The following NTM variants were observed in gnomAD, a reference collection of about 807,000 sequenced individuals.
The protein encoded by NTM is IgLON family member 2.
Under a neutral mutation model 42.1 loss-of-function variants are expected in NTM, and 13 were observed. The ratio of observed to expected loss-of-function variants is 0.31; its 90% CI spans 0.20 to 0.49. NTM has a LOEUF of 0.49. Ranked by LOEUF, NTM falls within the 20% of genes least tolerant of loss-of-function variation. The pLI, the probability that NTM is intolerant of heterozygous loss-of-function variation, is 0.99. For synonymous variants in NTM, 187 were observed against 179.2 expected, an observed-to-expected ratio of 1.04 and a Z score of -0.35; for missense variants, 373 against 452.8, an observed-to-expected ratio of 0.82 and a Z score of 1.60.
chr11:132,076,226 A>G (rs757876002), intron 2 of NTM, among the ~76,000 whole-genome samples: 1 of 152,180 alleles, frequency 6.6e-6, no homozygotes, highest in African/African-American at 2.4e-5. Flanking sequence ...TCAAGGGACA[A>G]TTAGTAAATA....
chr11:131,809,533 C>G (rs1468285047), intron 1 of NTM, among the ~76,000 whole-genome samples: 1 of 152,208 alleles, frequency 6.6e-6, no homozygotes, highest in Admixed American at 6.5e-5. Flanking sequence ...GCGGGTTTCA[C>G]AGTTATGCCC....
intron 2 of NTM, among the ~76,000 whole-genome samples, chr11:132,073,227 A>G (rs1347293372): frequency 6.6e-6 from 1 of 152,158 alleles, no homozygotes; most frequent in Non-Finnish European, 1.5e-5. Context: ...TGTGAAGGGG[A>G]TCCAGTGAAA....
At chr11:131,710,119 T>C (rs1465024378) in intron 1 of NTM, among the ~76,000 whole-genome samples, 1 of 152,100 alleles carries the variant, frequency 6.6e-6, no homozygotes, top group Non-Finnish European at 1.5e-5. Context: ...CAGAAAGCCA[T>C]GAGAGACAGA....
At chr11:131,503,816 A>G (rs150813127) in intron 1 of NTM, among the ~76,000 whole-genome samples, 6 of 152,220 alleles carry the variant, frequency 3.9e-5, no homozygotes, top group African/African-American at 1.4e-4. Flanking sequence ...CACTGAGGTT[A>G]TACATTTAAA....
At chr11:131,532,036 A>T (rs550260932) in intron 1 of NTM, among the ~76,000 whole-genome samples, 53 of 152,324 alleles carry the variant, frequency 3.5e-4, no homozygotes, top group African/African-American at 1.0e-3. Flanking sequence ...TTTTTGGAGT[A>T]GTGGTGTTTG....
intron 1 of NTM, among the ~76,000 whole-genome samples, chr11:131,618,760 G>A (rs1163204506): frequency 1.3e-5 from 2 of 152,226 alleles, no homozygotes; most frequent in Admixed American, 6.5e-5. Flanking sequence ...TCTGGAAGCA[G>A]AAGGCTTAGA....
intron 1 of NTM, among the ~76,000 whole-genome samples, chr11:131,850,627 C>G (rs1489304960): frequency 6.6e-6 from 1 of 152,104 alleles, no homozygotes; most frequent in Non-Finnish European, 1.5e-5. Context: ...GCTGAATTTC[C>G]TTTGGGTAGG....
At chr11:132,285,424 C>A (rs551767237) in intron 4 of NTM, among the ~76,000 whole-genome samples, 1 of 152,244 alleles carries the variant, frequency 6.6e-6, no homozygotes, top group South Asian at 2.1e-4. Flanking sequence ...GCTCCCAGCT[C>A]TGACCAACTC....
chr11:131,509,760 TTTC>T (rs2047996560), intron 1 of NTM, among the ~76,000 whole-genome samples: 1 of 152,244 alleles, frequency 6.6e-6, no homozygotes, highest in African/African-American at 2.4e-5. Context: ...ATTCTAATTC[TTTC>T]TTTAGAGATA....
chr11:131,451,227 G>A (rs729830), intron 1 of NTM, among the ~76,000 whole-genome samples: 2,680 of 152,246 alleles, frequency 0.018, 78 homozygotes, highest in African/African-American at 0.06. Context: ...AAGTGGGACC[G>A]TGAGCAGCAT....
At chr11:131,845,570 G>C (rs771035785) in intron 1 of NTM, among the ~76,000 whole-genome samples, 1 of 151,364 alleles carries the variant, frequency 6.6e-6, no homozygotes, top group Admixed American at 6.6e-5. Flanking sequence ...AGTTTGAAAA[G>C]CTGGTTTACA....
At chr11:131,789,937 C>T (rs1201860199) in intron 1 of NTM, among the ~76,000 whole-genome samples, 11 of 108,100 alleles carry the variant, frequency 1.0e-4, no homozygotes, top group Admixed American at 4.5e-4. Context: ...GCCTGGGCGA[C>T]AGAGCGAGAC....
intron 1 of NTM, among the ~76,000 whole-genome samples, chr11:131,635,590 TAA>T (rs1037946526): frequency 3.3e-5 from 5 of 152,174 alleles, no homozygotes; most frequent in Admixed American, 2.0e-4. Flanking sequence ...GCTTGTCAAG[TAA>T]AAAAGTTGTA....
chr11:131,955,225 A>G (rs1430168928), intron 2 of NTM, among the ~76,000 whole-genome samples: 2 of 151,996 alleles, frequency 1.3e-5, no homozygotes, highest in Non-Finnish European at 2.9e-5. Flanking sequence ...AATGCTACCT[A>G]TTATCATTTT....
chr11:131,465,035 G>A (rs150898483), intron 1 of NTM, among the ~76,000 whole-genome samples: 3 of 152,322 alleles, frequency 2.0e-5, no homozygotes, highest in Admixed American at 2.0e-4. Flanking sequence ...ACTGCACTGA[G>A]TTTAGCTGTT....
Position 131,398,524 on chromosome 11 carries a change from A to G in NTM, c.82+27636A>G, listed in dbSNP as rs574349311. ...GAAACAATTTTCCATGTCGTTACAT[A>G]GTATTAGTGAGCATCGTTTTAATTG... On this transcript the variant is annotated intron_variant, in intron 1 of 8. Coordinates refer to ENST00000683400, the MANE Select transcript of NTM (RefSeq NM_001352005.2). Among the ~76,000 whole-genome samples, 3 of 152,316 alleles carry G rather than the reference A, an allele frequency of 2.0e-5. No homozygotes were observed. In the South Asian group the frequency reaches 6.2e-4, roughly 32 times the overall value.
chr11:131,657,270 G>A (rs755487214), intron 1 of NTM, among the ~76,000 whole-genome samples: 3 of 152,146 alleles, frequency 2.0e-5, no homozygotes, highest in Non-Finnish European at 2.9e-5. Context: ...CCTTTGGAGA[G>A]GAAAGCATCT....
At chr11:131,636,487 G>A (rs1236153755) in intron 1 of NTM, among the ~76,000 whole-genome samples, 1 of 152,136 alleles carries the variant, frequency 6.6e-6, no homozygotes, top group Non-Finnish European at 1.5e-5. Context: ...ATGGTTGGTC[G>A]AATCCTGAGT....
intron 2 of NTM, among the ~76,000 whole-genome samples, chr11:132,068,387 A>G (rs2056843999): frequency 6.6e-6 from 1 of 152,224 alleles, no homozygotes; most frequent in Non-Finnish European, 1.5e-5. Context: ...TTTGCTTTAC[A>G]CTAACTGTAA....
Sources: allele counts gnomAD v4.1 joint callset (sites outside exome capture counted in the v4.1 genomes callset), GRCh38; gene constraint gnomAD v4.1.1; transcripts MANE v1.5; gene names NCBI Gene and HGNC (gene_info 2026-07-23, HGNC 2026-07-21).